EDEM1: variants seen among roughly 807,000 people sequenced by gnomAD.
EDEM1 encodes the protein ER degradation enhancing alpha-mannosidase like protein 1, also known as ER degradation-enhancing alpha-mannosidase-like protein 1.
Under a neutral mutation model 74.4 loss-of-function variants are expected in EDEM1, and 67 were observed. The observed-to-expected ratio is 0.90, with a 90% CI of 0.74 to 1.10. The LOEUF (loss-of-function observed/expected upper bound fraction) is 1.10. EDEM1 is among the 50% of genes least tolerant of loss of function. EDEM1 has a pLI of 0.00. For missense variants in EDEM1, 926 were observed against 851.6 expected, an observed-to-expected ratio of 1.09 and a Z score of -1.09; for synonymous variants, 382 against 335.9, an observed-to-expected ratio of 1.14 and a Z score of -1.50.
rs146151852 is a variant in EDEM1 at position 5,201,731 on chromosome 3, T to G, written c.687-22T>G. 3.0e-5 allele frequency: 48 copies of G among 1,613,784 alleles called. No individual in the cohort carries two copies. The African/African-American group carries it at 5.6e-4, about 19-fold the overall frequency. ...TTACAAGCAACACGATTGTATTATC[T>G]TTTTGTTCTTCCTGTCATTAGGGTC... On this transcript the variant is annotated intron_variant, in intron 3 of 11. Transcript: ENST00000256497.
At chr3:5,210,325 G>T in intron 9 of EDEM1, 77 bp downstream of exon 9, 1 of 1,371,600 alleles carries the variant, frequency 7.3e-7, no homozygotes, top group South Asian at 1.2e-5. Context: ...AAATATCCTA[G>T]TTTGCATTTT....
At chr3:5,193,546 G>C (rs1271218511) in intron 1 of EDEM1, among the ~76,000 whole-genome samples, 1 of 151,904 alleles carries the variant, frequency 6.6e-6, no homozygotes, top group Non-Finnish European at 1.5e-5. Context: ...GCTAGCCCTA[G>C]TTCCTAGACT....
rs767876978 is a variant in EDEM1 at position 5,210,248 on chromosome 3, A to G, written c.1583A>G (p.Lys528Arg). 3.1e-6 allele frequency: 5 copies of G among 1,613,796 alleles called. No homozygotes were observed. Among genetic ancestry groups the G allele is most frequent in the Admixed American group, 1.7e-5 (1 of 60,004 alleles). ...LQSLEKYTKV[K>R]CGYATLHHVI... is the part of the protein sequence containing the mutation. ...AGTCTGGAAAAGTACACAAAAGTCA[A>G]GTCAGTTTTCTAAGTTCCTACCTTT... Residue 528 changes from lysine to arginine, a missense_variant and splice_region_variant, in exon 9 of 12, where the codon AAG becomes AGG. Physicochemically the swap from Lys to Arg is conservative, Grantham distance 26. Transcript: ENST00000256497.
chr3:5,215,400 A>G (rs2055221687), intron 11 of EDEM1, among the ~76,000 whole-genome samples: 2 of 152,210 alleles, frequency 1.3e-5, no homozygotes, highest in Admixed American at 6.5e-5. Flanking sequence ...CAAGTAGCAG[A>G]AATGTTTTCT....
intron 3 of EDEM1, 42 bp from the exon 4 acceptor site, chr3:5,201,711 A>G: frequency 6.2e-7 from 1 of 1,610,070 alleles, no homozygotes; most frequent in Non-Finnish European, 8.5e-7. Context: ...TGCATTTACA[A>G]GCAACACGAT....
intron 9 of EDEM1, among the ~76,000 whole-genome samples, chr3:5,210,893 G>A (rs535366692): frequency 4.6e-5 from 7 of 152,044 alleles, no homozygotes; most frequent in Non-Finnish European, 1.0e-4. Flanking sequence ...CCGCCACCAC[G>A]CCCACACCCT....
In EDEM1 at chr3:5,216,723, A is replaced by G. The variant is rs1357205901; in HGVS notation, c.*805A>G. 2.0e-5 allele frequency: 3 copies of G among 152,696 alleles called. No individual in the cohort carries two copies. Among genetic ancestry groups the G allele is most frequent in the Admixed American group, 1.3e-4 (2 of 15,286 alleles). The allele number at this position is 152,696 out of a possible 1,614,324, so 9.5% of individuals were successfully genotyped here. A position where few individuals can be genotyped will look rare whatever the true frequency, so the allele number is the denominator to read the frequency against. ...TCTTAGGTTATTATGTTATGGTCTA[A>G]GAGGTTAACTGACATCTTTTGGGTG... On this transcript the variant is annotated 3_prime_UTR_variant, in exon 12 of 12. Transcript: ENST00000256497.
At chr3:5,215,279 GA>G (rs1298918708) in intron 11 of EDEM1, among the ~76,000 whole-genome samples, 9 of 134,574 alleles carry the variant, frequency 6.7e-5, no homozygotes, top group Non-Finnish European at 9.4e-5. Context: ...CTGCTTTGAG[GA>G]AAAAAAGTGG....
chr3:5,218,068 A>G lies in EDEM1; in HGVS notation c.*2150A>G, dbSNP rs1376615716. Reference sequence around the variant, plus strand: ...TGTTCCTTCCTCCTCATGCTCCTGGAATAGGGAATAGGGATCTCATGCTTG... The same window carrying G: ...TGTTCCTTCCTCCTCATGCTCCTGGGATAGGGAATAGGGATCTCATGCTTG... On this transcript the variant is annotated 3_prime_UTR_variant, in exon 12 of 12. Transcript: ENST00000256497. The G allele has an allele frequency of 6.6e-6, 1 of 152,130 alleles. No individual in the cohort carries two copies. The highest frequency in any genetic ancestry group is 1.5e-5 in the Non-Finnish European group (1 of 68,050). The allele number at this position is 152,130 out of a possible 1,614,324, so 9.4% of individuals were successfully genotyped here.
At chr3:5,202,039 G>A in intron 4 of EDEM1, 115 bp downstream of exon 4, 1 of 1,307,500 alleles carries the variant, frequency 7.6e-7, no homozygotes, top group Non-Finnish European at 1.0e-6. Flanking sequence ...GATGAGAAAA[G>A]CAGTGTCCTT....
chr3:5,199,440 A>T (rs2055008203), intron 2 of EDEM1, 152 bp from the exon 3 acceptor site: 1 of 574,800 alleles, frequency 1.7e-6, no homozygotes, highest in Admixed American at 3.5e-5. Context: ...AATATATGCT[A>T]AGAAATAACT....
chr3:5,215,905 T>A lies in EDEM1; in HGVS notation c.1961T>A (p.Val654Asp), dbSNP rs1157547810. 4 of 1,612,892 alleles carry A rather than the reference T, an allele frequency of 2.5e-6. No homozygotes were observed. The highest frequency in any genetic ancestry group is 3.4e-6 in the Non-Finnish European group (4 of 1,179,556). The change falls in exon 12 of 12, where the codon GTT becomes GAT. Residue 654 changes from valine to aspartate, a missense_variant. Physicochemically the swap from Val to Asp is radical, Grantham distance 152. Transcript: ENST00000256497. ...SIYMRQIDQM[V>D]GLI is the part of the protein sequence containing the mutation. ...TACATGCGACAGATTGACCAGATGG[T>A]TGGTTTGATTTGATCTGCTCTCTGT... is the stretch of plus-strand genomic sequence containing the variant.
intron 1 of EDEM1, among the ~76,000 whole-genome samples, chr3:5,194,186 A>G (rs1297404895): frequency 6.6e-6 from 1 of 152,232 alleles, no homozygotes; most frequent in Non-Finnish European, 1.5e-5. Context: ...GACTGCAGAT[A>G]TCAATGCATC....
intron 1 of EDEM1, among the ~76,000 whole-genome samples, chr3:5,193,336 C>T (rs1004148993): frequency 6.6e-6 from 1 of 152,200 alleles, no homozygotes; most frequent in Non-Finnish European, 1.5e-5. Context: ...CTCCTTTGAG[C>T]CCCTCCTGCA....
chr3:5,204,579 A>G (rs767163551), intron 5 of EDEM1, among the ~76,000 whole-genome samples: 6 of 152,180 alleles, frequency 3.9e-5, no homozygotes, highest in South Asian at 2.1e-4. Flanking sequence ...TTTGGTAGAG[A>G]CAGAGTTTCA....
At position 5,205,385 on chromosome 3, in the gene EDEM1, TG is replaced by T. The variant is rs1225918168; in HGVS notation, c.1217+149del. ...CACCTCTCCTAGTTTGTCAGTCATCTGGGGGCAAAGAGCTGTGTTATCTTTC... is the reference window on the plus strand; with the variant it reads ...CACCTCTCCTAGTTTGTCAGTCATCTGGGGCAAAGAGCTGTGTTATCTTTC... On this transcript the variant is annotated intron_variant, in intron 6 of 11. Transcript: ENST00000256497. 8.5e-6 allele frequency: 7 copies of T among 820,764 alleles called. No homozygotes were observed. The East Asian group carries it at 1.9e-4, about 22-fold the overall frequency. The allele number at this position is 820,764 out of a possible 1,614,324, so 50.8% of individuals were successfully genotyped here.
At chr3:5,196,437 A>G (rs185498513) in intron 2 of EDEM1, among the ~76,000 whole-genome samples, 5 of 145,850 alleles carry the variant, frequency 3.4e-5, no homozygotes, top group Non-Finnish European at 7.6e-5. Context: ...AGCCTGGGCA[A>G]CAGAGTGAGA....
chr3:5,213,000 A>G (rs341988), intron 10 of EDEM1, among the ~76,000 whole-genome samples: 136,467 of 152,226 alleles, frequency 0.9, 62,285 homozygotes, highest in Non-Finnish European at 0.98. Flanking sequence ...TAGGTAGCAC[A>G]TGGAAATCAT....
In EDEM1 at chr3:5,188,036, C is replaced by T; in HGVS notation, c.231C>T (p.Thr77=). Residue 77 remains threonine, a synonymous_variant, in exon 1 of 12, where the codon ACC becomes ACT. Transcript: ENST00000256497. ...SGPSWLQPPG[T]GAAQSPRKAP... ...CGTCGTGGCTGCAGCCGCCGGGGACCGGGGCAGCGCAGAGCCCGCGCAAGG... is the reference window on the plus strand; with the variant it reads ...CGTCGTGGCTGCAGCCGCCGGGGACTGGGGCAGCGCAGAGCCCGCGCAAGG... 1 of 1,424,546 alleles carries T rather than the reference C, an allele frequency of 7.0e-7. No homozygotes were observed. Among genetic ancestry groups the T allele is most frequent in the East Asian group, 2.9e-5 (1 of 34,046 alleles). The allele number at this position is 1,424,546 out of a possible 1,614,324, so 88.2% of individuals were successfully genotyped here.
Sources: gnomAD v4.1 joint callset for allele counts (sites outside exome capture counted in the v4.1 genomes callset) on GRCh38, gnomAD v4.1.1 for gene constraint, MANE v1.5 for transcripts, NCBI Gene and HGNC (gene_info 2026-07-23, HGNC 2026-07-21) for gene names.